Variants in PLEKHA5 observed in about 807,000 individuals in gnomAD.
PLEKHA5 encodes the protein pleckstrin homology domain-containing family A member 5.
In PLEKHA5, 55 loss-of-function variants were observed where a neutral mutation model predicts 181.9. That is an observed-to-expected ratio of 0.30 (90% CI 0.24 to 0.38). The LOEUF (loss-of-function observed/expected upper bound fraction) is 0.38, where lower values mean the gene tolerates loss of function less well. Ranked by LOEUF, PLEKHA5 falls within the 10% of genes least tolerant of loss-of-function variation. The probability of loss-of-function intolerance (pLI) is 1.00; values close to 1 mark genes in which losing one functional copy is unlikely to be tolerated. For synonymous variants in PLEKHA5, 535 were observed against 529.4 expected, an observed-to-expected ratio of 1.01 and a Z score of -0.15; for missense variants, 1,432 against 1,549.5, an observed-to-expected ratio of 0.92 and a Z score of 1.27.
chr12:19,269,329 G>C lies in PLEKHA5; in HGVS notation c.712-441G>C, dbSNP rs528490043. ...TTGAACCAGGGAGGCAGATGTTGCA[G>C]TGAACCAAGATTGCTCCACTGCACT... On this transcript the variant is annotated intron_variant, in intron 8 of 31. Coordinates refer to ENST00000429027, the MANE Select transcript of PLEKHA5 (RefSeq NM_001256470.2). Among the ~76,000 whole-genome samples the C allele has an allele frequency of 1.2e-3, 176 of 149,676 alleles. 2 individuals are homozygous for C. Among genetic ancestry groups the C allele is most frequent in the Admixed American group, 0.012 (173 of 14,866 alleles).
intron 15 of PLEKHA5, among the ~76,000 whole-genome samples, chr12:19,296,458 G>GA (rs1225124088): frequency 1.3e-5 from 2 of 150,806 alleles, no homozygotes; most frequent in African/African-American, 4.9e-5. Context: ...TGAGGAATGA[G>GA]AATCACTTGA....
intron 3 of PLEKHA5, among the ~76,000 whole-genome samples, chr12:19,133,022 T>TA (rs1476698348): frequency 6.6e-6 from 1 of 150,982 alleles, no homozygotes; most frequent in Non-Finnish European, 1.5e-5. Context: ...CACAATTTGA[T>TA]AAACAATGAC....
rs531865146 is a variant in PLEKHA5, at chr12:19,311,327, A to G, written c.2038-3487A>G. 4.6e-5 allele frequency among the ~76,000 whole-genome samples: 7 copies of G among 151,842 alleles called. No homozygotes were observed. The East Asian group carries it at 1.4e-3, about 30-fold the overall frequency. On this transcript the variant is annotated intron_variant, in intron 15 of 31. Transcript: ENST00000429027. ...AATGTACTTGCCTATAGTCCCAGCT[A>G]CTTGGGAGGCTGAAGCGGCAGGATC...
intron 3 of PLEKHA5, among the ~76,000 whole-genome samples, chr12:19,239,553 C>G (rs570315373): frequency 2.0e-5 from 3 of 152,274 alleles, no homozygotes; most frequent in South Asian, 4.2e-4. Context: ...AAGTGCATTA[C>G]TATCTGGGCC....
Position 19,363,004 on chromosome 12 carries a change from G to C in PLEKHA5, c.3608+1298G>C, listed in dbSNP as rs974454272. On this transcript the variant is annotated intron_variant, in intron 29 of 31. Transcript: ENST00000429027. ...TGCAGATTTTGCTATCTGTGGGGGG[G>C]CCCTGAAATCAGTCTTCCCAGGTAA... Among the ~76,000 whole-genome samples, 5 of 150,986 alleles carry C rather than the reference G, an allele frequency of 3.3e-5. No individual in the cohort carries two copies. In the South Asian group the frequency reaches 1.0e-3, roughly 31 times the overall value.
At chr12:19,135,119 A>G (rs1253976929) in intron 3 of PLEKHA5, among the ~76,000 whole-genome samples, 1 of 152,192 alleles carries the variant, frequency 6.6e-6, no homozygotes, top group Non-Finnish European at 1.5e-5. Context: ...GACCTAAAGA[A>G]TTTCAGTTGT....
intron 27 of PLEKHA5, among the ~76,000 whole-genome samples, chr12:19,359,012 CCT>C (rs1230709116): frequency 2.2e-4 from 33 of 152,110 alleles, no homozygotes; most frequent in Non-Finnish European, 2.6e-4. Flanking sequence ...CTGGTCTTTC[CCT>C]GTTTGTAGAC....
chr12:19,196,132 T>C (rs1006170651), intron 3 of PLEKHA5, among the ~76,000 whole-genome samples: 21 of 152,202 alleles, frequency 1.4e-4, no homozygotes, highest in Admixed American at 1.2e-3. Flanking sequence ...ATTTCTACAA[T>C]GTGAGCTCTC....
chr12:19,369,834 T>C, intron 31 of PLEKHA5, 36 bp downstream of exon 31: 1 of 1,258,050 alleles, frequency 7.9e-7, no homozygotes, highest in Non-Finnish European at 1.1e-6. Flanking sequence ...GCTTTAGTTT[T>C]TTACTTGAAT....
chr12:19,188,864 C>T (rs939153497), intron 3 of PLEKHA5, among the ~76,000 whole-genome samples: 7 of 151,968 alleles, frequency 4.6e-5, no homozygotes, highest in South Asian at 2.1e-4. Context: ...AAATGGGATT[C>T]GATGTAAAAG....
At chr12:19,231,613 A>ATTTATATATGTAAACATAT (rs1345945535) in intron 3 of PLEKHA5, among the ~76,000 whole-genome samples, 1 of 32,456 alleles carries the variant, frequency 3.1e-5, no homozygotes, top group Non-Finnish European at 8.3e-5. Flanking sequence ...TATATATATA[A>ATTTATATATGTAAACATAT]ATACTCATAA....
intron 11 of PLEKHA5, among the ~76,000 whole-genome samples, chr12:19,275,523 G>T (rs929318370): frequency 1.3e-5 from 2 of 152,132 alleles, no homozygotes; most frequent in Non-Finnish European, 2.9e-5. Flanking sequence ...CAGCACTTTG[G>T]GAGGCCAAAG....
At position 19,297,301 on chromosome 12, in the gene PLEKHA5, A is replaced by C. The variant is rs562783925; in HGVS notation, c.2037+5604A>C. On this transcript the variant is annotated intron_variant, in intron 15 of 31. Coordinates refer to ENST00000429027, the MANE Select transcript of PLEKHA5 (RefSeq NM_001256470.2). ...GAAAAGCAGGAAGTTTTTCATGACA[A>C]ATCAGTTTGCCATAGTACAGTTAAA... 5.1e-4 allele frequency among the ~76,000 whole-genome samples: 77 copies of C among 152,062 alleles called. 1 individual carries two copies. The highest frequency in any genetic ancestry group is 8.5e-4 in the Non-Finnish European group (58 of 67,998).
At chr12:19,351,325 C>G (rs899120659) in intron 25 of PLEKHA5, among the ~76,000 whole-genome samples, 1 of 151,874 alleles carries the variant, frequency 6.6e-6, no homozygotes, top group Non-Finnish European at 1.5e-5. Flanking sequence ...TTGCTTGAGT[C>G]CAGGAGTTCA....
At chr12:19,292,952 G>C (rs1183010558) in intron 15 of PLEKHA5, among the ~76,000 whole-genome samples, 2 of 152,070 alleles carry the variant, frequency 1.3e-5, no homozygotes. Context: ...AAAAAAGAAA[G>C]TGGCATTTAA....
chr12:19,343,554 GT>G, intron 22 of PLEKHA5, 120 bp downstream of exon 22: 1 of 673,034 alleles, frequency 1.5e-6, no homozygotes, highest in Admixed American at 2.3e-5. Flanking sequence ...CAATCAGAGT[GT>G]ACTTAAACAA....
chr12:19,254,012 A>G lies in PLEKHA5; in HGVS notation c.300A>G (p.Val100=), dbSNP rs1393383118. ...CATCACAGGACAATTGTATTTTTGT[A>G]GTGAATGAACAGTAAGTAAAGAGTT... ...GQPSQDNCIF[V]VNEQTVATMT... Residue 100 remains valine, a synonymous_variant, in exon 4 of 32, where the codon GTA becomes GTG. Transcript: ENST00000429027. 1 of 1,593,788 alleles carries G rather than the reference A, an allele frequency of 6.3e-7. No individual in the cohort carries two copies. Among genetic ancestry groups the G allele is most frequent in the Non-Finnish European group, 8.6e-7 (1 of 1,164,224 alleles).
chr12:19,357,710 G>A (rs1365926316), intron 26 of PLEKHA5, among the ~76,000 whole-genome samples: 10 of 150,506 alleles, frequency 6.6e-5, no homozygotes, highest in African/African-American at 1.5e-4. Context: ...ATCTCAGCTC[G>A]CTGCAACCTC....
At chr12:19,224,698 C>T (rs183832608) in intron 3 of PLEKHA5, among the ~76,000 whole-genome samples, 144 of 152,238 alleles carry the variant, frequency 9.5e-4, no homozygotes, top group Non-Finnish European at 1.9e-3. Context: ...AAAGCATTTT[C>T]AATGACCATC....
Sources: allele counts gnomAD v4.1 joint callset (sites outside exome capture counted in the v4.1 genomes callset), GRCh38; gene constraint gnomAD v4.1.1; transcripts MANE v1.5; gene names NCBI Gene and HGNC (gene_info 2026-07-23, HGNC 2026-07-21).